Variants in HS6ST3 observed in about 807,000 individuals in gnomAD.
HS6ST3 encodes the protein heparan sulfate 6-O-sulfotransferase 3.
HS6ST3 carries 12 observed loss-of-function variants against 36.7 expected under a neutral mutation model. The ratio of observed to expected loss-of-function variants is 0.33; its 90% confidence interval spans 0.21 to 0.53. The LOEUF is 0.53. Among genes scored for constraint, HS6ST3 ranks in the 20% least tolerant of loss-of-function variants. HS6ST3 has a pLI of 0.95. For missense variants in HS6ST3, 584 were observed against 640.9 expected (o/e 0.91, Z 0.96); for synonymous variants, 240 against 257.5 (o/e 0.93, Z 0.65).
At chr13:96,606,795 G>T (rs1402396328) in intron 1 of HS6ST3, among the ~76,000 whole-genome samples, 4 of 151,768 alleles carry the variant, frequency 2.6e-5, no homozygotes, top group African/African-American at 9.7e-5. Context: ...AAAAAAGAAA[G>T]AACAGAAATA....
At chr13:96,194,815 C>T (rs2054304680) in intron 1 of HS6ST3, among the ~76,000 whole-genome samples, 1 of 151,294 alleles carries the variant, frequency 6.6e-6, no homozygotes, top group East Asian at 2.0e-4. Context: ...CTACTCTGTT[C>T]CTATTAGTTT....
intron 1 of HS6ST3, among the ~76,000 whole-genome samples, chr13:96,311,468 A>G (rs2139409308): frequency 6.6e-6 from 1 of 152,246 alleles, no homozygotes; most frequent in Non-Finnish European, 1.5e-5. Flanking sequence ...GAGGAAGGAG[A>G]TAAAGCTCAT....
intron 1 of HS6ST3, among the ~76,000 whole-genome samples, chr13:96,787,500 G>T (rs1489538886): frequency 2.0e-5 from 3 of 151,874 alleles, no homozygotes; most frequent in Non-Finnish European, 4.4e-5. Flanking sequence ...ATACTATTGT[G>T]GTTTCAATTT....
At chr13:96,642,537 C>T (rs1434405752) in intron 1 of HS6ST3, among the ~76,000 whole-genome samples, 1 of 151,838 alleles carries the variant, frequency 6.6e-6, no homozygotes, top group African/African-American at 2.4e-5. Flanking sequence ...CATTGGTTCA[C>T]TTGATGGTGT....
chr13:96,748,399 A>T (rs1379240635), intron 1 of HS6ST3, among the ~76,000 whole-genome samples: 2 of 152,010 alleles, frequency 1.3e-5, no homozygotes, highest in Non-Finnish European at 2.9e-5. Context: ...ACCTTCTAAA[A>T]CAGTTGAGGA....
chr13:96,825,706 G>A (rs753833462), intron 1 of HS6ST3, among the ~76,000 whole-genome samples: 7 of 152,152 alleles, frequency 4.6e-5, no homozygotes, highest in Non-Finnish European at 7.3e-5. Flanking sequence ...AGAGCCTACG[G>A]CAATTGGGTC....
chr13:96,463,921 T>A lies in HS6ST3; in HGVS notation c.708-368569T>A, dbSNP rs567265917. 2.5e-4 allele frequency among the ~76,000 whole-genome samples: 38 copies of A among 151,890 alleles called. 1 individual carries two copies. The South Asian group carries it at 7.3e-3, about 29-fold the overall frequency. ...CAAACTAAAACGTGTTGTGAGGTTATACCAGTGGTGGAGAACCCACATTCA... is the reference window on the plus strand; with the variant it reads ...CAAACTAAAACGTGTTGTGAGGTTAAACCAGTGGTGGAGAACCCACATTCA... On this transcript the variant is annotated intron_variant, in intron 1 of 1. Coordinates refer to ENST00000376705, the MANE Select transcript of HS6ST3 (RefSeq NM_153456.4).
intron 1 of HS6ST3, among the ~76,000 whole-genome samples, chr13:96,397,906 G>A (rs1281723817): frequency 6.6e-6 from 1 of 152,158 alleles, no homozygotes; most frequent in Non-Finnish European, 1.5e-5. Context: ...AGGAAACTGA[G>A]GCTTAAGACT....
At chr13:96,650,546 G>T (rs543863546) in intron 1 of HS6ST3, among the ~76,000 whole-genome samples, 1 of 151,968 alleles carries the variant, frequency 6.6e-6, no homozygotes, top group African/African-American at 2.4e-5. Flanking sequence ...TGAGGGATTT[G>T]TTTATCTGAA....
At chr13:96,629,693 A>G (rs1310996404) in intron 1 of HS6ST3, among the ~76,000 whole-genome samples, 2 of 152,148 alleles carry the variant, frequency 1.3e-5, no homozygotes, top group Admixed American at 6.5e-5. Context: ...TACTTTCATT[A>G]TCAATATTTC....
chr13:96,793,093 T>C (rs1166413463), intron 1 of HS6ST3, among the ~76,000 whole-genome samples: 1 of 152,040 alleles, frequency 6.6e-6, no homozygotes, highest in African/African-American at 2.4e-5. Context: ...TGACCTTGCG[T>C]CTCGCCAGCA....
intron 1 of HS6ST3, among the ~76,000 whole-genome samples, chr13:96,718,652 A>G (rs1018363542): frequency 1.3e-5 from 2 of 152,240 alleles, no homozygotes; most frequent in Admixed American, 6.5e-5. Flanking sequence ...AGTAAGTTTT[A>G]TATAAAGTGA....
chr13:96,094,900 A>C (rs2053782446), intron 1 of HS6ST3, among the ~76,000 whole-genome samples: 1 of 151,996 alleles, frequency 6.6e-6, no homozygotes, highest in Admixed American at 6.6e-5. Flanking sequence ...TTTTTTTGGC[A>C]GGCCATTCTT....
intron 1 of HS6ST3, among the ~76,000 whole-genome samples, chr13:96,288,922 G>A (rs140153561): frequency 1.6e-3 from 242 of 152,058 alleles, no homozygotes; most frequent in African/African-American, 4.8e-3. Context: ...CCCAAGAGAT[G>A]CTGCTAAAAA....
At chr13:96,357,589 G>A (rs2055216431) in intron 1 of HS6ST3, among the ~76,000 whole-genome samples, 1 of 152,068 alleles carries the variant, frequency 6.6e-6, no homozygotes, top group African/African-American at 2.4e-5. Flanking sequence ...TTTAAGACAG[G>A]TCTTGCTCTG....
intron 1 of HS6ST3, among the ~76,000 whole-genome samples, chr13:96,742,957 T>C (rs1017191106): frequency 7.2e-5 from 11 of 152,078 alleles, no homozygotes; most frequent in African/African-American, 2.2e-4. Flanking sequence ...CCAGTTCAGA[T>C]TGTCAGTGTT....
chr13:96,728,097 C>A (rs1366978305), intron 1 of HS6ST3, among the ~76,000 whole-genome samples: 2 of 152,090 alleles, frequency 1.3e-5, no homozygotes, highest in African/African-American at 4.8e-5. Flanking sequence ...TACCCCACTG[C>A]TTGGCAAAAT....
At chr13:96,784,946 T>C (rs945399324) in intron 1 of HS6ST3, among the ~76,000 whole-genome samples, 1 of 152,156 alleles carries the variant, frequency 6.6e-6, no homozygotes, top group Non-Finnish European at 1.5e-5. Flanking sequence ...GGCAGGCAGA[T>C]CGCTTGAGGT....
chr13:96,152,539 G>A lies in HS6ST3; in HGVS notation c.707+60970G>A, dbSNP rs183245606. Among the ~76,000 whole-genome samples the A allele has an allele frequency of 1.5e-3, 235 of 151,970 alleles. 3 individuals are homozygous for A. In the East Asian group the frequency reaches 0.042, roughly 27 times the overall value. On this transcript the variant is annotated intron_variant, in intron 1 of 1. Coordinates refer to ENST00000376705, the MANE Select transcript of HS6ST3 (RefSeq NM_153456.4). The stretch of plus-strand genomic sequence containing the variant: ...CTTTTAGTAGAGTCGGGGTTTCACC[G>A]TGTTAGCCAGGATGGTCTCCATCTC...
Sources: gnomAD v4.1 joint callset for allele counts (sites outside exome capture counted in the v4.1 genomes callset) on GRCh38, gnomAD v4.1.1 for gene constraint, MANE v1.5 for transcripts, NCBI Gene and HGNC (gene_info 2026-07-23, HGNC 2026-07-21) for gene names.